The following SNX6 variants were observed in gnomAD, a reference collection of about 807,000 sequenced individuals.
The protein encoded by SNX6 is sorting nexin 6.
A neutral mutation model predicts 63.0 loss-of-function variants in SNX6; 34 were observed. The observed-to-expected ratio is 0.54, with a 90% confidence interval of 0.41 to 0.72. The LOEUF is 0.72. SNX6 is among the 30% of genes least tolerant of loss of function. The pLI is 0.00. For missense variants in SNX6, 398 were observed against 471.4 expected, an observed-to-expected ratio of 0.84 and a Z score of 1.44; for synonymous variants, 170 against 164.2, an observed-to-expected ratio of 1.04 and a Z score of -0.27.
At position 34,591,220 on chromosome 14, in the gene SNX6, A is replaced by G. The variant is rs1302791255; in HGVS notation, c.718+1825T>C. On this transcript the variant is annotated intron_variant, in intron 8 of 13. Transcript: ENST00000362031. Reference sequence around the variant, plus strand: ...AGCTTACTGATATCAATTACACTCAACAAAGCTGTTAAAAAAAAAACCCTC... The same window carrying G: ...AGCTTACTGATATCAATTACACTCAGCAAAGCTGTTAAAAAAAAAACCCTC... 1.4e-4 allele frequency among the ~76,000 whole-genome samples: 11 copies of G among 79,968 alleles called. No homozygotes were observed. The Admixed American group carries it at 1.5e-3, about 11-fold the overall frequency. 52.5% of individuals were successfully genotyped at this position (79,968 alleles called of 152,430 possible).
At chr14:34,616,674 G>A (rs1365873801) in intron 2 of SNX6, among the ~76,000 whole-genome samples, 1 of 152,132 alleles carries the variant, frequency 6.6e-6, no homozygotes, top group Non-Finnish European at 1.5e-5. Context: ...TACATAAAAT[G>A]TACACAAATT....
chr14:34,605,835 AC>A, intron 4 of SNX6, 118 bp from the exon 5 acceptor site: 1 of 1,218,574 alleles, frequency 8.2e-7, no homozygotes, highest in Non-Finnish European at 1.1e-6. Context: ...TGAGCTGAAC[AC>A]CAGGAACACC....
intron 11 of SNX6, among the ~76,000 whole-genome samples, chr14:34,571,395 G>A (rs929623719): frequency 9.2e-5 from 14 of 151,782 alleles, no homozygotes; most frequent in African/African-American, 3.4e-4. Flanking sequence ...ATCATGCCAC[G>A]GCACTCCAGC....
Position 34,609,299 on chromosome 14 carries a change from G to A in SNX6, c.159+339C>T, listed in dbSNP as rs149680452. ...ATCCTGGCTTACACAGTGAAACCCC[G>A]TCTCTACTAAAAAAAGAAAAAAATA... On this transcript the variant is annotated intron_variant, in intron 3 of 13. Transcript: ENST00000362031. 3.3e-3 allele frequency among the ~76,000 whole-genome samples: 502 copies of A among 151,224 alleles called. 3 individuals carry two copies. The highest frequency in any genetic ancestry group is 0.012 in the African/African-American group (487 of 41,244).
In SNX6 at chr14:34,581,575, A is replaced by G. The variant is rs1881937278; in HGVS notation, c.820T>C (p.Phe274Leu). 2 of 1,471,680 alleles carry G rather than the reference A, an allele frequency of 1.4e-6. No homozygotes were observed. The highest frequency in any genetic ancestry group is 2.3e-5 in the East Asian group (1 of 43,580). 91.2% of individuals were successfully genotyped at this position (1,471,680 alleles called of 1,614,324 possible). Residue 274 changes from phenylalanine (F) to leucine (L), a missense_variant, in exon 10 of 14, where the codon TTC (phenylalanine) becomes CTC (leucine). Transcript: ENST00000362031. Reference protein sequence around the residue: ...CKFFLKVSELFDKTRKIEARV... With the variant: ...CKFFLKVSELLDKTRKIEARV... The stretch of plus-strand genomic sequence containing the variant: ...TTAGTACTTACTCTTGTTTTATCGA[A>G]CAGTTCTGAAACTTTGAGAAAAAAC...
chr14:34,595,427 G>T (rs924957549), intron 7 of SNX6, among the ~76,000 whole-genome samples: 2 of 152,202 alleles, frequency 1.3e-5, no homozygotes, highest in Non-Finnish European at 2.9e-5. Flanking sequence ...GTGAGCCACT[G>T]TGCCCGGCCA....
At chr14:34,600,323 A>C (rs1397018131) in intron 6 of SNX6, among the ~76,000 whole-genome samples, 1 of 152,002 alleles carries the variant, frequency 6.6e-6, no homozygotes, top group Non-Finnish European at 1.5e-5. Context: ...CAGGGGTTTC[A>C]CCATGTTGCC....
At chr14:34,586,419 C>T (rs552641625) in intron 8 of SNX6, 114 bp from the exon 9 acceptor site, 40 of 562,678 alleles carry the variant, frequency 7.1e-5, no homozygotes, top group South Asian at 6.0e-4. Flanking sequence ...AAGAAAATAA[C>T]GCAAGCAACA....
At chr14:34,598,517 G>T (rs757665762) in intron 6 of SNX6, among the ~76,000 whole-genome samples, 1 of 152,210 alleles carries the variant, frequency 6.6e-6, no homozygotes, top group Non-Finnish European at 1.5e-5. Context: ...TCAGCCTCCC[G>T]AGTAGCTGGG....
In SNX6 at chr14:34,578,937, CAAAAAAAAAAAA is replaced by C. The variant is rs71121210; in HGVS notation, c.834+2612_834+2623del. Among the ~76,000 whole-genome samples the C allele has an allele frequency of 1.5e-3, 34 of 22,544 alleles. 1 individual carries two copies. Among genetic ancestry groups the C allele is most frequent in the East Asian group, 5.9e-3 (3 of 512 alleles). The allele number at this position is 22,544 out of a possible 152,430, so 14.8% of individuals were successfully genotyped here. A position where few individuals can be genotyped will look rare whatever the true frequency, so the allele number is the denominator to read the frequency against. On this transcript the variant is annotated intron_variant, in intron 10 of 13. Transcript: ENST00000362031. ...CTGGCGACAGAGCGAGACTTCATCT[CAAAAAAAAAAAA>C]AAAAAAAAAAAAAAAAAGGTTAAAC...
chr14:34,593,969 GCCT>G (rs1882503621), intron 7 of SNX6, among the ~76,000 whole-genome samples: 1 of 152,014 alleles, frequency 6.6e-6, no homozygotes, highest in African/African-American at 2.4e-5. Flanking sequence ...GCGCGCCTCG[GCCT>G]CCCAACGTGC....
At chr14:34,567,277 G>A (rs10146862) in intron 13 of SNX6, among the ~76,000 whole-genome samples, 4,020 of 151,680 alleles carry the variant, frequency 0.027, 165 homozygotes, top group African/African-American at 0.09. Flanking sequence ...ATTTGAGGAC[G>A]GGATTTCGAG....
At chr14:34,585,536 C>T (rs1336082912) in intron 9 of SNX6, among the ~76,000 whole-genome samples, 2 of 152,040 alleles carry the variant, frequency 1.3e-5, no homozygotes, top group Non-Finnish European at 1.5e-5. Flanking sequence ...AAAACTAAAA[C>T]AAAAACCAAA....
rs11626888 is a variant in SNX6, at chr14:34,579,241, A to T, written c.834+2320T>A. Among the ~76,000 whole-genome samples the T allele has an allele frequency of 9.4e-3, 1,428 of 152,262 alleles. 17 individuals carry two copies. The highest frequency in any genetic ancestry group is 0.034 in the Middle Eastern group (10 of 294). On this transcript the variant is annotated intron_variant, in intron 10 of 13. Transcript: ENST00000362031. ...AAACAATAATCTTAGCAGTATTGTT[A>T]TAAAGAAGCCCAAACTAGAAACTAT...
intron 10 of SNX6, among the ~76,000 whole-genome samples, chr14:34,578,061 T>C (rs542655766): frequency 2.0e-5 from 3 of 150,332 alleles, no homozygotes; most frequent in East Asian, 2.0e-4. Context: ...AAAAATTAGC[T>C]AGGAGTGGCA....
At chr14:34,597,670 T>G (rs752958045) in intron 6 of SNX6, 25 bp from the exon 7 acceptor site, 1 of 1,390,996 alleles carries the variant, frequency 7.2e-7, no homozygotes, top group Non-Finnish European at 1.0e-6. Context: ...ATTTAACATT[T>G]TTAAGGTTAC....
At chr14:34,569,295 A>G (rs1881334319) in intron 11 of SNX6, among the ~76,000 whole-genome samples, 1 of 152,076 alleles carries the variant, frequency 6.6e-6, no homozygotes, top group African/African-American at 2.4e-5. Context: ...CGATTTTAGA[A>G]CACTTTCATC....
At chr14:34,599,949 A>G (rs1666113482) in intron 6 of SNX6, among the ~76,000 whole-genome samples, 1 of 152,052 alleles carries the variant, frequency 6.6e-6, no homozygotes, top group South Asian at 2.1e-4. Flanking sequence ...AAATTCTAAC[A>G]GCAAATGACT....
intron 10 of SNX6, 80 bp from the exon 11 acceptor site, chr14:34,575,922 G>GTT: frequency 8.6e-6 from 6 of 696,598 alleles, no homozygotes; most frequent in Non-Finnish European, 1.1e-5. Context: ...TGTTGTTGTT[G>GTT]TTTTTTTGTT....
Sources: allele counts gnomAD v4.1 joint callset (sites outside exome capture counted in the v4.1 genomes callset), GRCh38; gene constraint gnomAD v4.1.1; transcripts MANE v1.5; gene names NCBI Gene and HGNC (gene_info 2026-07-23, HGNC 2026-07-21).